The following IQCM variants were observed in gnomAD, a reference collection of about 807,000 sequenced individuals.
The protein encoded by IQCM is IQ motif containing M, also known as IQ domain-containing protein M.
IQCM carries 45 observed loss-of-function variants against 57.6 expected under a neutral mutation model. The observed-to-expected ratio is 0.78, with a 90% CI of 0.62 to 1.00. The LOEUF (loss-of-function observed/expected upper bound fraction) is 1.00. Among genes scored for constraint, IQCM ranks in the 50% least tolerant of loss-of-function variants. The probability of loss-of-function intolerance (pLI) is 0.00; values close to 1 mark genes in which losing one functional copy is unlikely to be tolerated. For missense variants in IQCM, 468 were observed against 511.6 expected (o/e 0.91, Z 0.82); for synonymous variants, 148 against 158.9 (o/e 0.93, Z 0.51).
intron 12 of IQCM, among the ~76,000 whole-genome samples, chr4:149,523,312 T>C (rs895337673): frequency 2.6e-5 from 4 of 151,982 alleles, no homozygotes; most frequent in African/African-American, 9.7e-5. Context: ...GTCCATAGCA[T>C]GCAATTACAA....
chr4:149,376,606 C>A (rs1463386840), intron 13 of IQCM, among the ~76,000 whole-genome samples: 1 of 152,124 alleles, frequency 6.6e-6, no homozygotes, highest in African/African-American at 2.4e-5. Context: ...TCATCCGAAA[C>A]TGTTGATGTT....
intron 2 of IQCM, among the ~76,000 whole-genome samples, chr4:149,773,343 C>T (rs1362227366): frequency 6.7e-6 from 1 of 148,950 alleles, no homozygotes; most frequent in Admixed American, 6.7e-5. Context: ...CGGAGCAAAA[C>T]TCCGTCTCAA....
chr4:149,470,389 A>T (rs1346443434), intron 12 of IQCM, among the ~76,000 whole-genome samples: 1 of 152,214 alleles, frequency 6.6e-6, no homozygotes, highest in Non-Finnish European at 1.5e-5. Context: ...CCATGACATA[A>T]TGGTAAATGG....
chr4:149,602,626 A>G (rs957542720), intron 8 of IQCM, among the ~76,000 whole-genome samples: 1 of 152,064 alleles, frequency 6.6e-6, no homozygotes, highest in Non-Finnish European at 1.5e-5. Flanking sequence ...TGATGTCTTC[A>G]TTTATGTAAT....
intron 7 of IQCM, among the ~76,000 whole-genome samples, chr4:149,651,101 A>G (rs1032575004): frequency 5.9e-5 from 9 of 152,198 alleles, no homozygotes; most frequent in African/African-American, 1.9e-4. Context: ...AATATAAATG[A>G]AAGTTAAATT....
In IQCM at chr4:149,731,602, C is replaced by T. The variant is rs865898172; in HGVS notation, c.385+1642G>A. ...TCTTATCATCTTCATTTTCATTACA[C>T]ATCAGTTGATTTTTCAAAAACCAGT... On this transcript the variant is annotated intron_variant, in intron 5 of 13. Coordinates refer to ENST00000636793, the MANE Select transcript of IQCM (RefSeq NM_001363507.2). Among the ~76,000 whole-genome samples, 7 of 152,258 alleles carry T rather than the reference C, an allele frequency of 4.6e-5. 1 individual carries two copies. In the East Asian group the frequency reaches 9.7e-4, roughly 21 times the overall value.
chr4:149,520,019 C>A (rs1047045242), intron 12 of IQCM, among the ~76,000 whole-genome samples: 5 of 151,930 alleles, frequency 3.3e-5, no homozygotes, highest in African/African-American at 9.7e-5. Context: ...AAAACAAAAA[C>A]AAAAATAAAA....
At chr4:149,706,475 T>C (rs1580072189) in intron 5 of IQCM, among the ~76,000 whole-genome samples, 1 of 151,966 alleles carries the variant, frequency 6.6e-6, no homozygotes, top group African/African-American at 2.4e-5. Flanking sequence ...ATTCCTTCCA[T>C]TGATCACATC....
intron 13 of IQCM, among the ~76,000 whole-genome samples, chr4:149,407,766 A>C (rs1227453029): frequency 6.6e-6 from 1 of 152,158 alleles, no homozygotes; most frequent in African/African-American, 2.4e-5. Context: ...GTTGATGGAC[A>C]CTTAGGTTGA....
At chr4:149,783,574 T>C (rs1033582013) in intron 2 of IQCM, among the ~76,000 whole-genome samples, 2 of 152,136 alleles carry the variant, frequency 1.3e-5, no homozygotes, top group Non-Finnish European at 2.9e-5. Context: ...GTGGAAAGAC[T>C]CTAGGGTGAT....
intron 9 of IQCM, among the ~76,000 whole-genome samples, chr4:149,575,920 CTGCT>C (rs1206027499): frequency 1.3e-5 from 2 of 151,868 alleles, no homozygotes; most frequent in South Asian, 2.1e-4. Flanking sequence ...GCTACTGCTG[CTGCT>C]TGGTTTCAAT....
intron 5 of IQCM, among the ~76,000 whole-genome samples, chr4:149,727,737 A>G (rs903289687): frequency 5.3e-5 from 8 of 152,158 alleles, no homozygotes; most frequent in African/African-American, 7.2e-5. Flanking sequence ...GTCTCAAGCC[A>G]GGAAGGAGTC....
At chr4:149,604,658 T>C (rs1293059149) in intron 8 of IQCM, among the ~76,000 whole-genome samples, 3 of 152,214 alleles carry the variant, frequency 2.0e-5, no homozygotes, top group African/African-American at 4.8e-5. Flanking sequence ...TTTTGTTTGA[T>C]GAAAACAAGC....
intron 2 of IQCM, among the ~76,000 whole-genome samples, chr4:149,751,171 C>G (rs928467268): frequency 1.3e-5 from 2 of 152,164 alleles, no homozygotes; most frequent in Non-Finnish European, 2.9e-5. Flanking sequence ...GTGATTTCAG[C>G]TTAACACTGG....
intron 12 of IQCM, among the ~76,000 whole-genome samples, chr4:149,522,774 T>C (rs1274921346): frequency 3.9e-5 from 6 of 152,188 alleles, no homozygotes; most frequent in Admixed American, 3.9e-4. Flanking sequence ...ATTATATTGC[T>C]TGAATTAATC....
intron 13 of IQCM, among the ~76,000 whole-genome samples, chr4:149,358,986 A>C (rs978766794): frequency 6.9e-6 from 1 of 143,982 alleles, no homozygotes; most frequent in East Asian, 2.0e-4. Context: ...GAGAGGGAAA[A>C]GTAAAAAGAA....
intron 12 of IQCM, among the ~76,000 whole-genome samples, chr4:149,527,385 A>G (rs1395715128): frequency 1.3e-5 from 2 of 152,092 alleles, no homozygotes; most frequent in Non-Finnish European, 2.9e-5. Flanking sequence ...GGCTTTTGGG[A>G]GGTAATTAAG....
intron 2 of IQCM, among the ~76,000 whole-genome samples, chr4:149,745,961 G>A (rs1192779355): frequency 6.6e-6 from 1 of 151,246 alleles, no homozygotes; most frequent in Non-Finnish European, 1.5e-5. Flanking sequence ...AACAGAGTGA[G>A]ACCCTGTCTC....
chr4:149,660,080 C>T (rs1353419018), intron 7 of IQCM, among the ~76,000 whole-genome samples: 30 of 151,384 alleles, frequency 2.0e-4, no homozygotes, highest in East Asian at 1.9e-3. Flanking sequence ...GCAACCTACT[C>T]ATCTGACAAA....
Sources: allele counts gnomAD v4.1 joint callset (sites outside exome capture counted in the v4.1 genomes callset), GRCh38; gene constraint gnomAD v4.1.1; transcripts MANE v1.5; gene names NCBI Gene and HGNC (gene_info 2026-07-23, HGNC 2026-07-21).